CUX2: variants seen among roughly 807,000 people sequenced by gnomAD.
CUX2 encodes cut like homeobox 2.
In CUX2, 40 loss-of-function variants were observed where a neutral mutation model predicts 144.8. The ratio of observed to expected loss-of-function variants is 0.28; its 90% CI spans 0.21 to 0.36. The LOEUF (loss-of-function observed/expected upper bound fraction) is 0.36, where lower values mean the gene tolerates loss of function less well. CUX2 is among the 10% of genes least tolerant of loss of function. CUX2 has a pLI of 1.00. For synonymous variants in CUX2, 827 were observed against 875.6 expected, an observed-to-expected ratio of 0.94 and a Z score of 0.98; for missense variants, 1,615 against 1,994.0, an observed-to-expected ratio of 0.81 and a Z score of 3.62.
intron 1 of CUX2, among the ~76,000 whole-genome samples, chr12:111,139,473 C>T (rs968818699): frequency 4.6e-5 from 7 of 152,062 alleles, no homozygotes; most frequent in Admixed American, 2.0e-4. Flanking sequence ...TAATGGTGGT[C>T]GAAGTTGTGG....
In CUX2 at chr12:111,078,869, G is replaced by A. The variant is rs137999928; in HGVS notation, c.63+44629G>A. ...TGATGGTGGCTTAACTGGGGGAAGC[G>A]GATGGGTTCGATCATTCTGGTCAGG... On this transcript the variant is annotated intron_variant, in intron 1 of 21. Coordinates refer to ENST00000261726, the MANE Select transcript of CUX2 (RefSeq NM_015267.4). 1.7e-3 allele frequency among the ~76,000 whole-genome samples: 266 copies of A among 152,198 alleles called. 1 individual carries two copies. The highest frequency in any genetic ancestry group is 6.0e-3 in the African/African-American group (250 of 41,526).
At chr12:111,185,854 G>C (rs1443359482) in intron 1 of CUX2, among the ~76,000 whole-genome samples, 1 of 152,112 alleles carries the variant, frequency 6.6e-6, no homozygotes, top group East Asian at 1.9e-4. Context: ...CGAGGGGGCT[G>C]CCTGCAATGT....
chr12:111,303,211 A>C (rs1592940329), intron 9 of CUX2, among the ~76,000 whole-genome samples: 1 of 102,436 alleles, frequency 9.8e-6, no homozygotes, highest in Admixed American at 1.2e-4. Flanking sequence ...ACAGAGCGAG[A>C]CCCTGTCTCG....
intron 1 of CUX2, among the ~76,000 whole-genome samples, chr12:111,040,525 T>C (rs998720554): frequency 2.0e-5 from 3 of 151,996 alleles, no homozygotes; most frequent in Non-Finnish European, 4.4e-5. Context: ...CATCTCTCTG[T>C]GGTTGGCTCC....
At chr12:111,069,564 G>C (rs181000577) in intron 1 of CUX2, among the ~76,000 whole-genome samples, 2 of 151,990 alleles carry the variant, frequency 1.3e-5, no homozygotes, top group African/African-American at 4.8e-5. Flanking sequence ...GCGCGCGTGT[G>C]TGTGTGTTAT....
At chr12:111,096,600 T>C (rs183188924) in intron 1 of CUX2, among the ~76,000 whole-genome samples, 161 of 152,210 alleles carry the variant, frequency 1.1e-3, no homozygotes, top group African/African-American at 3.7e-3. Context: ...GCTTCCCAGC[T>C]CAGTGGCACC....
intron 3 of CUX2, among the ~76,000 whole-genome samples, chr12:111,225,804 T>A (rs973872737): frequency 6.6e-6 from 1 of 152,224 alleles, no homozygotes; most frequent in African/African-American, 2.4e-5. Flanking sequence ...GCCCGCCGCA[T>A]ACAAAGAGCT....
At chr12:111,208,229 C>T (rs372339022) in intron 1 of CUX2, among the ~76,000 whole-genome samples, 4 of 152,076 alleles carry the variant, frequency 2.6e-5, no homozygotes, top group Middle Eastern at 3.4e-3. Context: ...GGTTTCTTCT[C>T]GGAGGTGGCC....
intron 8 of CUX2, among the ~76,000 whole-genome samples, chr12:111,298,145 G>C (rs933481381): frequency 1.3e-5 from 2 of 152,200 alleles, no homozygotes; most frequent in African/African-American, 2.4e-5. Context: ...CATGCTGGCA[G>C]CCTGCAGGGG....
intron 1 of CUX2, among the ~76,000 whole-genome samples, chr12:111,079,461 C>T (rs543857870): frequency 1.3e-5 from 2 of 152,274 alleles, no homozygotes. Context: ...TGCAGTCACA[C>T]AGCCCTACCT....
Position 111,304,065 on chromosome 12 carries a change from C to T in CUX2, c.754-145C>T, listed in dbSNP as rs1275930313. On this transcript the variant is annotated intron_variant, in intron 9 of 21. Coordinates refer to ENST00000261726, the MANE Select transcript of CUX2 (RefSeq NM_015267.4). This position sits in a 1 kb window ranked among gnomAD's most constrained non-coding sequence, Gnocchi z 4.7. ...AGGGCTCTGTGACTGGTCTTCATAG[C>T]TCCAGGACAGGGTCCGGGACTAGGA... is the stretch of plus-strand genomic sequence containing the variant. 1.6e-6 allele frequency: 1 copy of T among 627,190 alleles called. No homozygotes were observed. Among genetic ancestry groups the T allele is most frequent in the African/African-American group, 1.8e-5 (1 of 55,068 alleles). The allele number at this position is 627,190 out of a possible 1,614,324, so 38.9% of individuals were successfully genotyped here.
At chr12:111,338,929 C>T (rs1159862575) in intron 20 of CUX2, among the ~76,000 whole-genome samples, 1 of 152,072 alleles carries the variant, frequency 6.6e-6, no homozygotes, top group East Asian at 1.9e-4. Flanking sequence ...TTTACTACCT[C>T]TCCCATGAAA....
In CUX2 at chr12:111,189,556, T is replaced by C. The variant is rs185514657; in HGVS notation, c.64-24644T>C. Among the ~76,000 whole-genome samples, 52 of 152,370 alleles carry C rather than the reference T, an allele frequency of 3.4e-4. No individual in the cohort carries two copies. In the South Asian group the frequency reaches 6.0e-3, roughly 18 times the overall value. On this transcript the variant is annotated intron_variant, in intron 1 of 21. Transcript: ENST00000261726. ...CTCGTGGCCACACCGTAGTATTCCA[T>C]TGGGTGAGTAGATCACAAATGTATT... is the stretch of plus-strand genomic sequence containing the variant.
At position 111,101,544 on chromosome 12, in the gene CUX2, C is replaced by G. The variant is rs373840312; in HGVS notation, c.63+67304C>G. ...TGTTGTGGTATCACCCTCTGCAGAT[C>G]TGGGTGGGTGAGTGGGTAGGGGGAG... On this transcript the variant is annotated intron_variant, in intron 1 of 21. Coordinates refer to ENST00000261726, the MANE Select transcript of CUX2 (RefSeq NM_015267.4). Among the ~76,000 whole-genome samples, 36 of 152,358 alleles carry G rather than the reference C, an allele frequency of 2.4e-4. 1 individual carries two copies. The East Asian group carries it at 2.9e-3, about 12-fold the overall frequency.
chr12:111,140,853 T>C (rs1188420292), intron 1 of CUX2, among the ~76,000 whole-genome samples: 1 of 152,230 alleles, frequency 6.6e-6, no homozygotes, highest in South Asian at 2.1e-4. Context: ...CTTGATGATA[T>C]TTCAGTTTTA....
At chr12:111,329,916 C>T (rs573502032) in intron 18 of CUX2, among the ~76,000 whole-genome samples, 1 of 152,328 alleles carries the variant, frequency 6.6e-6, no homozygotes, top group South Asian at 2.1e-4. Flanking sequence ...GGATTACAGG[C>T]GTGAGCCACC....
chr12:111,110,437 T>C (rs908749414), intron 1 of CUX2, among the ~76,000 whole-genome samples: 14 of 152,252 alleles, frequency 9.2e-5, no homozygotes, highest in African/African-American at 3.1e-4. Context: ...ATAATATCCC[T>C]TCGCCAGAGT....
chr12:111,133,038 A>G (rs567753119), intron 1 of CUX2, among the ~76,000 whole-genome samples: 1 of 152,296 alleles, frequency 6.6e-6, no homozygotes, highest in Admixed American at 6.5e-5. Context: ...GCTAAAACAT[A>G]ACAAACCTTT....
chr12:111,050,133 A>G (rs1327676185), intron 1 of CUX2, among the ~76,000 whole-genome samples: 3 of 151,766 alleles, frequency 2.0e-5, no homozygotes, highest in East Asian at 1.9e-4. Context: ...CCATTTCTGT[A>G]TCTCCCACCC....
Sources: gnomAD v4.1 joint callset for allele counts (sites outside exome capture counted in the v4.1 genomes callset) on GRCh38, gnomAD v4.1.1 for gene constraint, Gnocchi (gnomAD v3.1) non-coding constraint, MANE v1.5 for transcripts, NCBI Gene and HGNC (gene_info 2026-07-23, HGNC 2026-07-21) for gene names.